The following HAUS2 variants were observed in gnomAD, a reference collection of about 807,000 sequenced individuals.
HAUS2 encodes HAUS augmin-like complex subunit 2.
Under a neutral mutation model 21.6 loss-of-function variants are expected in HAUS2, and 20 were observed. The observed-to-expected ratio is 0.93, with a 90% confidence interval of 0.65 to 1.35. HAUS2 has a LOEUF of 1.35. Among genes scored for constraint, HAUS2 ranks in the 40% most tolerant of loss-of-function variants. HAUS2 has a pLI of 0.00. For synonymous variants in HAUS2, 113 were observed against 95.6 expected (o/e 1.18, Z -1.06); for missense variants, 297 against 280.7 (o/e 1.06, Z -0.42).
intron 1 of HAUS2, among the ~76,000 whole-genome samples, chr15:42,555,048 G>A (rs149012439): frequency 6.7e-6 from 1 of 150,302 alleles, no homozygotes; most frequent in Admixed American, 6.6e-5. Flanking sequence ...GGAGTGCAAT[G>A]GCGTGATCTC....
chr15:42,551,652 A>AC (rs939235517), intron 1 of HAUS2, among the ~76,000 whole-genome samples: 3 of 151,932 alleles, frequency 2.0e-5, no homozygotes, highest in African/African-American at 7.3e-5. Context: ...AAAAAAAACA[A>AC]CCCCCCAACT....
Position 42,561,364 on chromosome 15 carries a change from G to GTGCCAGGAA in HAUS2, c.352_360dup (p.Cys118_Glu120dup). The GTGCCAGGAA allele has an allele frequency of 6.2e-7, 1 of 1,601,754 alleles. No homozygotes were observed. Among genetic ancestry groups the GTGCCAGGAA allele is most frequent in the Non-Finnish European group, 8.6e-7 (1 of 1,168,860 alleles). ...TTAGGCAAAGACTGTTGAAACCCATGTGCCAGGAAAACTTACCTATTGAAG... is the reference window on the plus strand; with the variant it reads ...TTAGGCAAAGACTGTTGAAACCCATGTGCCAGGAATGCCAGGAAAACTTACCTATTGAAG... On this transcript the variant is annotated inframe_insertion, in exon 4 of 6. Transcript: ENST00000260372.
intron 1 of HAUS2, among the ~76,000 whole-genome samples, chr15:42,557,886 T>C (rs1474077031): frequency 6.6e-6 from 1 of 152,096 alleles, no homozygotes; most frequent in Non-Finnish European, 1.5e-5. Context: ...CTCCAACAAA[T>C]TTAGCCTTTG....
intron 1 of HAUS2, among the ~76,000 whole-genome samples, chr15:42,556,731 G>A (rs536563908): frequency 2.6e-5 from 4 of 151,968 alleles, no homozygotes; most frequent in South Asian, 2.1e-4. Flanking sequence ...TGGCCTGGAC[G>A]CGGTGGCTCA....
rs141721713 is a variant in HAUS2 at position 42,553,429 on chromosome 15, T to C, written c.93+4464T>C. Among the ~76,000 whole-genome samples, 435 of 152,108 alleles carry C rather than the reference T, an allele frequency of 2.9e-3. 8 individuals carry two copies. The highest frequency in any genetic ancestry group is 0.023 in the Admixed American group (353 of 15,280). On this transcript the variant is annotated intron_variant, in intron 1 of 5. Coordinates refer to ENST00000260372, the MANE Select transcript of HAUS2 (RefSeq NM_018097.3). ...ATGTAATAGCAATATATAGTAACAA[T>C]AGCTAAAGGAAAAGACTTTTCTGTA...
In HAUS2 at chr15:42,563,807, C is replaced by A; in HGVS notation, c.448C>A (p.Leu150Ile). Reference sequence around the variant, plus strand: ...TTTCATTGAGAGATTAGAAACCCACCTTGAAACAATTAGAAATATTCCTCA... The same window carrying A: ...TTTCATTGAGAGATTAGAAACCCACATTGAAACAATTAGAAATATTCCTCA... ...VTFIERLETH[L>I]ETIRNIPHLA... The change falls in exon 5 of 6, where the codon CTT becomes ATT. Residue 150 changes from leucine to isoleucine, a missense_variant. Physicochemically the swap from Leu to Ile is conservative, Grantham distance 5. Transcript: ENST00000260372. 6.3e-7 allele frequency: 1 copy of A among 1,580,536 alleles called. No homozygotes were observed. The highest frequency in any genetic ancestry group is 8.7e-7 in the Non-Finnish European group (1 of 1,153,664).
In HAUS2 at chr15:42,558,187, T is replaced by C; in HGVS notation, c.94-11T>C. 2 of 1,225,056 alleles carry C rather than the reference T, an allele frequency of 1.6e-6. No individual in the cohort carries two copies. The highest frequency in any genetic ancestry group is 2.4e-6 in the Non-Finnish European group (2 of 833,968). 75.9% of individuals were successfully genotyped at this position (1,225,056 alleles called of 1,614,324 possible). A position where few individuals can be genotyped will look rare whatever the true frequency, so the allele number is the denominator to read the frequency against. ...GACATTCTGCTACTTTCCTTATTCA[T>C]TTACCAATAGGAGATGTTAAACATG... On this transcript the variant is annotated splice_polypyrimidine_tract_variant and intron_variant, in intron 1 of 5. Transcript: ENST00000260372.
chr15:42,553,642 T>C (rs982930117), intron 1 of HAUS2, among the ~76,000 whole-genome samples: 2 of 152,082 alleles, frequency 1.3e-5, no homozygotes, highest in South Asian at 2.1e-4. Flanking sequence ...GTTATCTGCT[T>C]CTTAAACATT....
intron 1 of HAUS2, among the ~76,000 whole-genome samples, chr15:42,554,005 A>G (rs2057749399): frequency 1.3e-5 from 2 of 152,202 alleles, no homozygotes; most frequent in Admixed American, 1.3e-4. Context: ...TGTGTTATCT[A>G]CTTCAGTGAA....
At chr15:42,555,405 C>T (rs1305679832) in intron 1 of HAUS2, among the ~76,000 whole-genome samples, 1 of 152,166 alleles carries the variant, frequency 6.6e-6, no homozygotes, top group Non-Finnish European at 1.5e-5. Flanking sequence ...GCTGGGATTA[C>T]AGGTGTGAGC....
chr15:42,560,496 CT>C (rs1045376588), intron 3 of HAUS2, among the ~76,000 whole-genome samples: 1 of 151,838 alleles, frequency 6.6e-6, no homozygotes, highest in Non-Finnish European at 1.5e-5. Context: ...GTTCACCAAG[CT>C]TTTTTTGAAA....
intron 1 of HAUS2, among the ~76,000 whole-genome samples, chr15:42,550,156 C>T (rs2057707554): frequency 6.6e-6 from 1 of 152,032 alleles, no homozygotes; most frequent in African/African-American, 2.4e-5. Context: ...CCCAACTACT[C>T]CGCGGACCAC....
chr15:42,558,939 C>T (rs947559902), intron 2 of HAUS2, among the ~76,000 whole-genome samples: 1 of 151,980 alleles, frequency 6.6e-6, no homozygotes, highest in African/African-American at 2.4e-5. Flanking sequence ...GCCTGGGTGA[C>T]AGACGGAGAC....
At chr15:42,558,515 G>A (rs947457627) in intron 2 of HAUS2, among the ~76,000 whole-genome samples, 10 of 151,710 alleles carry the variant, frequency 6.6e-5, no homozygotes, top group Non-Finnish European at 1.3e-4. Context: ...TTTTAGTAGA[G>A]ATGGGGTTTC....
intron 1 of HAUS2, among the ~76,000 whole-genome samples, chr15:42,550,967 C>T (rs1156549685): frequency 2.0e-5 from 3 of 150,162 alleles, no homozygotes; most frequent in Non-Finnish European, 4.4e-5. Flanking sequence ...GCACCCGGCC[C>T]TCTCCTGTAT....
intron 1 of HAUS2, among the ~76,000 whole-genome samples, chr15:42,555,970 G>C (rs906536742): frequency 6.6e-6 from 1 of 151,832 alleles, no homozygotes; most frequent in Non-Finnish European, 1.5e-5. Context: ...TTTTTAAGAC[G>C]GAGTTTCGCT....
At chr15:42,560,888 A>G (rs181813888) in intron 3 of HAUS2, 25 of 699,264 alleles carry the variant, frequency 3.6e-5, no homozygotes, top group African/African-American at 3.5e-4. Context: ...CTAGAGCACC[A>G]GCTAAGGTGA....
intron 1 of HAUS2, among the ~76,000 whole-genome samples, chr15:42,552,380 C>T (rs765711753): frequency 2.0e-5 from 3 of 152,164 alleles, no homozygotes; most frequent in Admixed American, 6.5e-5. Flanking sequence ...TGATTTGTCA[C>T]GTCATCCCTT....
At chr15:42,566,488 A>G in intron 5 of HAUS2, 119 bp from the exon 6 acceptor site, 1 of 643,902 alleles carries the variant, frequency 1.6e-6, no homozygotes, top group Non-Finnish European at 2.7e-6. Flanking sequence ...AGTTTTAAGG[A>G]GCTTTTGAAG....
Sources: allele counts gnomAD v4.1 joint callset (sites outside exome capture counted in the v4.1 genomes callset), GRCh38; gene constraint gnomAD v4.1.1; transcripts MANE v1.5; gene names NCBI Gene and HGNC (gene_info 2026-07-23, HGNC 2026-07-21).